NRXN2: variants seen among roughly 807,000 people sequenced by gnomAD.
NRXN2 encodes the protein neurexin 2, also known as neurexin-2-beta.
NRXN2 carries 29 observed loss-of-function variants against 128.8 expected under a neutral mutation model. The ratio of observed to expected loss-of-function variants is 0.23; its 90% CI spans 0.17 to 0.31. The LOEUF is 0.31. Among genes scored for constraint, NRXN2 ranks in the 10% least tolerant of loss-of-function variants. The pLI, the probability that NRXN2 is intolerant of heterozygous loss-of-function variation, is 1.00. For synonymous variants in NRXN2, 1,098 were observed against 1,075.2 expected (o/e 1.02, Z -0.41); for missense variants, 1,881 against 2,452.6 (o/e 0.77, Z 4.92).
Position 64,642,623 on chromosome 11 carries a change from G to A in NRXN2, c.3403+5596C>T, listed in dbSNP as rs1286773739. ...TTGCTGTGGAAGTGGTGGACGTGGTGGGTGGTGCTGAGGCTGGAGGAGACC... is the reference window on the plus strand; with the variant it reads ...TTGCTGTGGAAGTGGTGGACGTGGTAGGTGGTGCTGAGGCTGGAGGAGACC... On this transcript the variant is annotated intron_variant, in intron 17 of 22. Transcript: ENST00000265459. 5 of 1,609,690 alleles carry A rather than the reference G, an allele frequency of 3.1e-6. No individual in the cohort carries two copies. In the East Asian group the frequency reaches 9.0e-5, roughly 29 times the overall value.
chr11:64,614,695 C>T (rs919289765), intron 22 of NRXN2, among the ~76,000 whole-genome samples: 4 of 152,252 alleles, frequency 2.6e-5, no homozygotes, highest in African/African-American at 9.6e-5. Context: ...TGAATCTAGG[C>T]TGCTGTGTGT....
In NRXN2 at chr11:64,651,225, T is replaced by C; in HGVS notation, c.2918+30A>G. The stretch of plus-strand genomic sequence containing the variant: ...TCAGCAGGGGGAGGGGGCCACCTCC[T>C]TGACAGCAGTGCAATCCCCAGCCCC... On this transcript the variant is annotated intron_variant, in intron 14 of 22. Coordinates refer to ENST00000265459, the MANE Select transcript of NRXN2 (RefSeq NM_015080.4). The surrounding 1 kb of genome is among the most constrained non-coding windows in gnomAD (Gnocchi z 5.9). The C allele has an allele frequency of 6.2e-7, 1 of 1,613,422 alleles. No individual in the cohort carries two copies. The highest frequency in any genetic ancestry group is 1.1e-5 in the South Asian group (1 of 90,974).
In NRXN2 at chr11:64,713,279, G is replaced by T; in HGVS notation, c.421C>A (p.Arg141=). Residue 141 remains arginine, a synonymous_variant, in exon 2 of 23, where the codon CGG becomes AGG. Coordinates refer to ENST00000265459, the MANE Select transcript of NRXN2 (RefSeq NM_015080.4). ...EARAAEVRSK[R]REMQVASDLF... is the part of the protein sequence containing the mutation. ...TCGCTGGCCACCTGCATCTCGCGCC[G>T]CTTGGAGCGCACCTCGGCGGCGCGG... The T allele has an allele frequency of 7.1e-7, 1 of 1,401,442 alleles. No homozygotes were observed. Among genetic ancestry groups the T allele is most frequent in the Non-Finnish European group, 9.3e-7 (1 of 1,079,548 alleles). 86.8% of individuals were successfully genotyped at this position (1,401,442 alleles called of 1,614,324 possible). A position where few individuals can be genotyped will look rare whatever the true frequency, so the allele number is the denominator to read the frequency against.
In NRXN2 at chr11:64,635,428, T is replaced by A; in HGVS notation, c.3428A>T (p.Lys1143Met). 1 of 1,613,790 alleles carries A rather than the reference T, an allele frequency of 6.2e-7. No homozygotes were observed. The highest frequency in any genetic ancestry group is 8.5e-7 in the Non-Finnish European group (1 of 1,179,996). The change falls in exon 18 of 23, where the codon AAG becomes ATG. Residue 1143 changes from lysine to methionine, a missense_variant. Lys to Met is a moderately conservative substitution (Grantham distance 95). Coordinates refer to ENST00000265459, the MANE Select transcript of NRXN2 (RefSeq NM_015080.4). This position sits in a 1 kb window ranked among gnomAD's most constrained non-coding sequence, Gnocchi z 4.8. ...CGTGTAGGTGATGAGCGCTCCCCCCTTCCCAAAGATGTATGTGGTCCCGGC... is the reference window on the plus strand; with the variant it reads ...CGTGTAGGTGATGAGCGCTCCCCCCATCCCAAAGATGTATGTGGTCCCGGC... ...NDPGTTYIFG[K>M]GGALITYTWP...
intron 6 of NRXN2, among the ~76,000 whole-genome samples, chr11:64,677,462 G>A (rs1000971539): frequency 6.6e-6 from 1 of 152,148 alleles, no homozygotes; most frequent in African/African-American, 2.4e-5. Context: ...AAGACTTAAA[G>A]ATGGCTGACA....
At chr11:64,670,894 C>G (rs1201436182) in intron 7 of NRXN2, among the ~76,000 whole-genome samples, 1 of 152,162 alleles carries the variant, frequency 6.6e-6, no homozygotes, top group Non-Finnish European at 1.5e-5. Flanking sequence ...ACCTGAGCCC[C>G]TCAGCTGTGT....
chr11:64,702,971 T>TAAA (rs557268486), intron 2 of NRXN2, among the ~76,000 whole-genome samples: 5 of 51,078 alleles, frequency 9.8e-5, no homozygotes, highest in Admixed American at 4.6e-4. Context: ...CCCAGGTCTC[T>TAAA]AAAAAAAAAA....
At chr11:64,650,869 C>A (rs1281554597) in intron 14 of NRXN2, among the ~76,000 whole-genome samples, 1 of 152,162 alleles carries the variant, frequency 6.6e-6, no homozygotes, top group African/African-American at 2.4e-5. Context: ...TCTTGTGACA[C>A]AACCTCAGAA....
chr11:64,609,949 G>A (rs2040362889), intron 22 of NRXN2, among the ~76,000 whole-genome samples: 1 of 152,108 alleles, frequency 6.6e-6, no homozygotes. Flanking sequence ...CAGCCCCACT[G>A]CAGCCAGGCC....
chr11:64,626,692 T>G (rs1468584082), intron 19 of NRXN2, 140 bp from the exon 20 acceptor site: 11 of 748,250 alleles, frequency 1.5e-5, no homozygotes, highest in Non-Finnish European at 2.4e-6. Flanking sequence ...AAAGAAACGC[T>G]GGGCCCCTCT....
At chr11:64,654,455 A>C (rs928265600) in intron 11 of NRXN2, among the ~76,000 whole-genome samples, 19 of 152,280 alleles carry the variant, frequency 1.2e-4, no homozygotes, top group East Asian at 3.9e-4. Context: ...AGCCCCCAAA[A>C]TATGATTTCT....
intron 7 of NRXN2, 122 bp downstream of exon 7, chr11:64,676,871 A>G: frequency 1.3e-6 from 1 of 775,780 alleles, no homozygotes; most frequent in South Asian, 1.5e-5. Context: ...GGACGCAAAA[A>G]ACAATTGGAA....
chr11:64,700,853 C>T lies in NRXN2; in HGVS notation c.731-3061G>A, dbSNP rs186402106. ...CTCTGAGTGTCTCATGGGCTTCTCA[C>T]ATTCAATATGTCTAGGGTGGGCCTC... On this transcript the variant is annotated intron_variant, in intron 2 of 22. Transcript: ENST00000265459. 5.1e-3 allele frequency among the ~76,000 whole-genome samples: 781 copies of T among 152,306 alleles called. 3 individuals are homozygous for T. The highest frequency in any genetic ancestry group is 9.1e-3 in the Non-Finnish European group (617 of 68,020).
At chr11:64,695,843 AGGT>A (rs2054432064) in intron 3 of NRXN2, among the ~76,000 whole-genome samples, 1 of 152,068 alleles carries the variant, frequency 6.6e-6, no homozygotes, top group Non-Finnish European at 1.5e-5. Flanking sequence ...AGAAATGGCG[AGGT>A]GGCGTCCACA....
At chr11:64,701,286 T>A (rs916624091) in intron 2 of NRXN2, among the ~76,000 whole-genome samples, 3 of 152,236 alleles carry the variant, frequency 2.0e-5, no homozygotes, top group African/African-American at 7.2e-5. Context: ...GAAATTTGAC[T>A]GTTTCTTCCT....
rs1414886847 is a variant in NRXN2 at position 64,626,500 on chromosome 11, C to A, written c.3810G>T (p.Arg1270=). 6.2e-7 allele frequency: 1 copy of A among 1,614,038 alleles called. No individual in the cohort carries two copies. The highest frequency in any genetic ancestry group is 8.5e-7 in the Non-Finnish European group (1 of 1,179,946). The change falls in exon 20 of 23, where the codon CGG becomes CGT. Residue 1270 remains arginine (R), a synonymous_variant. Coordinates refer to ENST00000265459, the MANE Select transcript of NRXN2 (RefSeq NM_015080.4). ...LAIARQRIPY[R]LGRVVDEWLL... is the part of the protein sequence containing the mutation. ...GCCACTCATCTACTACTCGACCAAG[C>A]CGGTAGGGGATTCTCTGTCTAGCAA...
At chr11:64,719,858 G>A (rs1357040403) in intron 1 of NRXN2, among the ~76,000 whole-genome samples, 2 of 152,202 alleles carry the variant, frequency 1.3e-5, no homozygotes, top group Non-Finnish European at 2.9e-5. Context: ...TATGACAGGT[G>A]TGTGCGCGTG....
chr11:64,687,902 G>A (rs2053278291), intron 5 of NRXN2, among the ~76,000 whole-genome samples: 1 of 152,150 alleles, frequency 6.6e-6, no homozygotes, highest in Non-Finnish European at 1.5e-5. Flanking sequence ...CCATAGCAAC[G>A]AAGCCTGCTG....
rs1310961635 is a variant in NRXN2 at position 64,607,657 on chromosome 11, G to A, written c.4678C>T (p.Leu1560=). 2.0e-6 allele frequency: 3 copies of A among 1,528,836 alleles called. No homozygotes were observed. Among genetic ancestry groups the A allele is most frequent in the Non-Finnish European group, 2.6e-6 (3 of 1,135,796 alleles). 94.7% of individuals were successfully genotyped at this position (1,528,836 alleles called of 1,614,324 possible). The change falls in exon 23 of 23, where the codon CTG becomes TTG. Residue 1560 remains leucine (L), a synonymous_variant. Transcript: ENST00000265459. The stretch of plus-strand genomic sequence containing the variant: ...CGGTGGTTCATTTTGCCCGCCGGCA[G>A]GTTGGGGGCCGGGGCGGAGGGGGCA... ...LFAPSAPAPN[L]PAGKMNHRDP...
Sources: gnomAD v4.1 joint callset for allele counts (sites outside exome capture counted in the v4.1 genomes callset) on GRCh38, gnomAD v4.1.1 for gene constraint, Gnocchi (gnomAD v3.1) non-coding constraint, MANE v1.5 for transcripts, NCBI Gene and HGNC (gene_info 2026-07-23, HGNC 2026-07-21) for gene names.